HEXD: variants seen among roughly 807,000 people sequenced by gnomAD.
HEXD encodes hexosaminidase D, also known as N-acetyl-beta-galactosaminidase.
A neutral mutation model predicts 54.2 loss-of-function variants in HEXD; 47 were observed. The observed-to-expected ratio is 0.87, with a 90% CI of 0.69 to 1.11. HEXD has a LOEUF of 1.11. Ranked by LOEUF, HEXD falls within the 50% of genes least tolerant of loss-of-function variation. HEXD has a pLI of 0.00. For missense variants in HEXD, 576 were observed against 649.2 expected (o/e 0.89, Z 1.23); for synonymous variants, 293 against 287.6 (o/e 1.02, Z -0.19).
At chr17:82,441,941 G>A (rs759207962) in intron 12 of HEXD, 52 bp downstream of exon 12, 2 of 1,542,666 alleles carry the variant, frequency 1.3e-6, no homozygotes, top group South Asian at 2.2e-5. Context: ...CCTGAGAACT[G>A]CTGCTGTTGC....
At chr17:82,440,469 G>T in intron 9 of HEXD, 1 of 536,814 alleles carries the variant, frequency 1.9e-6, no homozygotes, top group Non-Finnish European at 2.8e-6. Context: ...GACGGTATTT[G>T]CAGTGTCCCT....
At chr17:82,433,946 C>A in intron 5 of HEXD, 124 bp downstream of exon 5, 1 of 884,666 alleles carries the variant, frequency 1.1e-6, no homozygotes, top group Non-Finnish European at 1.7e-6. Flanking sequence ...TCAGGGCACC[C>A]CATCCAACAT....
intron 4 of HEXD, among the ~76,000 whole-genome samples, chr17:82,430,352 AGAC>A (rs1392095165): frequency 6.6e-6 from 1 of 152,222 alleles, no homozygotes; most frequent in African/African-American, 2.4e-5. Context: ...TTACTGAGGA[AGAC>A]CCTCCATGTG....
Position 82,424,307 on chromosome 17 carries a change from G to GA in HEXD, c.85-84dup. Reference sequence around the variant, plus strand: ...GCAACTCCCACAGTCTCCACAGGCTGAAAGGGAAGGCGTCTCCCTGCTGTG... The same window carrying GA: ...GCAACTCCCACAGTCTCCACAGGCTGAAAAGGGAAGGCGTCTCCCTGCTGTG... On this transcript the variant is annotated intron_variant, in intron 2 of 12. Coordinates refer to ENST00000327949, the MANE Select transcript of HEXD (RefSeq NM_001330542.2). The GA allele has an allele frequency of 4.8e-6, 4 of 836,316 alleles. No individual in the cohort carries two copies. The South Asian group carries it at 5.6e-5, about 12-fold the overall frequency. 51.8% of individuals were successfully genotyped at this position (836,316 alleles called of 1,614,324 possible).
At chr17:82,437,666 G>A (rs887178638) in intron 8 of HEXD, among the ~76,000 whole-genome samples, 1 of 152,176 alleles carries the variant, frequency 6.6e-6, no homozygotes, top group African/African-American at 2.4e-5. Flanking sequence ...GTGGCACGAG[G>A]AGGGGTTTCG....
In HEXD at chr17:82,441,278, G is replaced by T; in HGVS notation, c.1163+12G>T. On this transcript the variant is annotated intron_variant, in intron 11 of 12. Coordinates refer to ENST00000327949, the MANE Select transcript of HEXD (RefSeq NM_001330542.2). The stretch of plus-strand genomic sequence containing the variant: ...CTGGAGGGCAACAGGTGAGCGTGTG[G>T]GTTAGGGGCAGGTGTGGGTGAGGGG... 1.2e-6 allele frequency: 2 copies of T among 1,608,624 alleles called. No individual in the cohort carries two copies. The highest frequency in any genetic ancestry group is 1.7e-6 in the Non-Finnish European group (2 of 1,178,440).
rs764772295 is a variant in HEXD at position 82,441,213 on chromosome 17, A to C, written c.1110A>C (p.Thr370=). The C allele has an allele frequency of 6.2e-7, 1 of 1,612,956 alleles. No individual in the cohort carries two copies. The highest frequency in any genetic ancestry group is 8.5e-7 in the Non-Finnish European group (1 of 1,179,954). The change falls in exon 11 of 13, where the codon ACA becomes ACC. Residue 370 remains threonine (T), a synonymous_variant. Coordinates refer to ENST00000327949, the MANE Select transcript of HEXD (RefSeq NM_001330542.2). ...GCAGCAACATCCTTGCCCTTGTCACACAAGTCAGCCTCCATCTGCGCAGCT... is the reference window on the plus strand; with the variant it reads ...GCAGCAACATCCTTGCCCTTGTCACCCAAGTCAGCCTCCATCTGCGCAGCT... ...FPGSNILALV[T]QVSLHLRSSV... is the part of the protein sequence containing the mutation.
chr17:82,422,059 G>C (rs564836291), intron 2 of HEXD, among the ~76,000 whole-genome samples: 1 of 151,580 alleles, frequency 6.6e-6, no homozygotes, highest in Non-Finnish European at 1.5e-5. Flanking sequence ...CCTGCTACTC[G>C]AGAGGCTGAG....
intron 8 of HEXD, 50 bp downstream of exon 8, chr17:82,437,413 C>A (rs374459098): frequency 4.4e-5 from 65 of 1,463,550 alleles, no homozygotes; most frequent in Non-Finnish European, 5.7e-5. Context: ...GCTCTGGTGG[C>A]CACCACGTCG....
At chr17:82,431,489 C>T (rs1342684677) in intron 4 of HEXD, among the ~76,000 whole-genome samples, 1 of 150,524 alleles carries the variant, frequency 6.6e-6, no homozygotes, top group Non-Finnish European at 1.5e-5. Context: ...AGTGCAGCGG[C>T]GTGATCTCAG....
rs551406337 is a variant in HEXD at position 82,437,038 on chromosome 17, A to G, written c.704-130A>G. The G allele has an allele frequency of 1.8e-5, 15 of 831,194 alleles. No individual in the cohort carries two copies. In the African/African-American group the frequency reaches 2.2e-4, roughly 12 times the overall value. 51.5% of individuals were successfully genotyped at this position (831,194 alleles called of 1,614,324 possible). On this transcript the variant is annotated intron_variant, in intron 7 of 12. Coordinates refer to ENST00000327949, the MANE Select transcript of HEXD (RefSeq NM_001330542.2). ...GGCCGCATACACTCTGGAGTCTCCT[A>G]CACTGAGACCCGGGCCTGGCTGTCT...
chr17:82,435,650 C>A lies in HEXD; in HGVS notation c.448-39C>A, dbSNP rs776826809. 4.4e-6 allele frequency: 7 copies of A among 1,579,172 alleles called. No individual in the cohort carries two copies. In the East Asian group the frequency reaches 1.6e-4, roughly 36 times the overall value. On this transcript the variant is annotated intron_variant, in intron 5 of 12. Coordinates refer to ENST00000327949, the MANE Select transcript of HEXD (RefSeq NM_001330542.2). ...CCCCGGACCCTCCCACCGGTGTGCA[C>A]GGCTGCCAAGGCAACCCCGTCCTGC...
chr17:82,424,450 C>T lies in HEXD; in HGVS notation c.141C>T (p.Asp47=), dbSNP rs2053335671. 2 of 1,614,010 alleles carry T rather than the reference C, an allele frequency of 1.2e-6. No homozygotes were observed. Among genetic ancestry groups the T allele is most frequent in the African/African-American group, 1.3e-5 (1 of 74,926 alleles). The part of the protein sequence containing the change: ...GANGLLIEYE[D]MFPYEGPLRL... ...ACGGCCTCCTCATTGAGTATGAAGA[C>T]ATGTTTCCCTACGAGGGCCCTCTGA... Residue 47 remains aspartate, a synonymous_variant, in exon 3 of 13, where the codon GAC becomes GAT. Coordinates refer to ENST00000327949, the MANE Select transcript of HEXD (RefSeq NM_001330542.2).
intron 3 of HEXD, among the ~76,000 whole-genome samples, chr17:82,425,053 A>G (rs12939367): frequency 0.48 from 69,588 of 144,308 alleles, 18,120 homozygotes; most frequent in East Asian, 0.89. Flanking sequence ...GGAGGAGGCC[A>G]GAGAAGGCTG....
rs756203042 is a variant in HEXD, at chr17:82,436,653, C to T, written c.632-14C>T. ...CCAGGTGTCTCACCAACCTCACGTC[C>T]GCTCTGTCTGCAGCGTCCGGGGTGC... On this transcript the variant is annotated splice_polypyrimidine_tract_variant and intron_variant, in intron 6 of 12. Coordinates refer to ENST00000327949, the MANE Select transcript of HEXD (RefSeq NM_001330542.2). The T allele has an allele frequency of 6.9e-6, 11 of 1,604,366 alleles. No homozygotes were observed. Among genetic ancestry groups the T allele is most frequent in the South Asian group, 6.7e-5 (6 of 89,808 alleles).
intron 9 of HEXD, chr17:82,440,664 G>A: frequency 2.5e-6 from 1 of 397,564 alleles, no homozygotes; most frequent in African/African-American, 2.1e-5. Flanking sequence ...AAACACAGTG[G>A]CAAACTCTGC....
rs1396182576 is a variant in HEXD at position 82,441,169 on chromosome 17, G to T, written c.1066G>T (p.Gly356Trp). Reference sequence around the variant, plus strand: ...TCTCAGCAGGGCTCTCCGCAGGGAGGGGGCCGGCTCCTTCCCTGGCAGCAA... The same window carrying T: ...TCTCAGCAGGGCTCTCCGCAGGGAGTGGGCCGGCTCCTTCCCTGGCAGCAA... ...SLEKTDPVRE[G>W]AGSFPGSNIL... is the part of the protein sequence containing the mutation. Residue 356 changes from glycine to tryptophan, a missense_variant, in exon 11 of 13, where the codon GGG (glycine) becomes TGG (tryptophan). Gly to Trp is a radical substitution (Grantham distance 184). Transcript: ENST00000327949. The T allele has an allele frequency of 2.5e-6, 4 of 1,613,284 alleles. No homozygotes were observed. Among genetic ancestry groups the T allele is most frequent in the Non-Finnish European group, 3.4e-6 (4 of 1,180,004 alleles).
At chr17:82,428,769 C>A in intron 4 of HEXD, 124 bp downstream of exon 4, 1 of 775,772 alleles carries the variant, frequency 1.3e-6, no homozygotes. Context: ...CAGCGCAGCT[C>A]AGCACAACAT....
Position 82,442,357 on chromosome 17 carries a change from T to G in HEXD, c.1434T>G (p.Pro478=), listed in dbSNP as rs771059165. 5.0e-6 allele frequency: 8 copies of G among 1,610,846 alleles called. No homozygotes were observed. The African/African-American group carries it at 1.1e-4, about 22-fold the overall frequency. The change falls in exon 13 of 13, where the codon CCT becomes CCG. Residue 478 remains proline, a synonymous_variant. Transcript: ENST00000327949. This position sits in a 1 kb window ranked among gnomAD's most constrained non-coding sequence, Gnocchi z 6.8. The stretch of plus-strand genomic sequence containing the variant: ...CCCCCCCGCTGCCACCCACCAGCCC[T>G]GGCAGGGACGTTGCTCAGGACCCCT... ...VSAPPLPPTS[P]GRDVAQDP
Sources: allele counts gnomAD v4.1 joint callset (sites outside exome capture counted in the v4.1 genomes callset), GRCh38; gene constraint gnomAD v4.1.1; non-coding constraint Gnocchi (gnomAD v3.1); transcripts MANE v1.5; gene names NCBI Gene and HGNC (gene_info 2026-07-23, HGNC 2026-07-21).